PCDHA11: variants seen among roughly 807,000 people sequenced by gnomAD.
The protein encoded by PCDHA11 is protocadherin alpha 11, also known as protocadherin alpha-11.
PCDHA11 carries 61 observed loss-of-function variants against 70.3 expected under a neutral mutation model. The observed-to-expected ratio is 0.87, with a 90% CI of 0.71 to 1.07. The LOEUF is 1.07. Among genes scored for constraint, PCDHA11 ranks in the 50% least tolerant of loss-of-function variants. The pLI is 0.00. For missense variants in PCDHA11, 1,324 were observed against 1,237.5 expected, an observed-to-expected ratio of 1.07 and a Z score of -1.05; for synonymous variants, 633 against 555.1, an observed-to-expected ratio of 1.14 and a Z score of -1.97.
intron 1 of PCDHA11, among the ~76,000 whole-genome samples, chr5:140,941,211 C>CT (rs59928198): frequency 0.24 from 30,589 of 127,372 alleles, 3,669 homozygotes; most frequent in South Asian, 0.38. Context: ...TCCTTTCTTT[C>CT]TTCCTTTCTT....
chr5:140,974,302 C>G (rs782329639), intron 1 of PCDHA11, among the ~76,000 whole-genome samples: 1 of 152,176 alleles, frequency 6.6e-6, no homozygotes, highest in Non-Finnish European at 1.5e-5. Flanking sequence ...GGAGGTACAA[C>G]TGTGAGTGAG....
At chr5:140,969,363 C>G (rs367871893) in intron 1 of PCDHA11, 4 of 1,610,614 alleles carry the variant, frequency 2.5e-6, no homozygotes, top group East Asian at 4.5e-5. Flanking sequence ...CTTCTACAAA[C>G]TCATGCATTT....
At chr5:140,941,255 C>CTTTCTTTCTTTCTTTCTTTCTTTCTTTT (rs782490896) in intron 1 of PCDHA11, among the ~76,000 whole-genome samples, 1 of 44,508 alleles carries the variant, frequency 2.2e-5, no homozygotes, top group Non-Finnish European at 5.1e-5. Flanking sequence ...TTCTTTCTTT[C>CTTTCTTTCTTTCTTTCTTTCTTTCTTTT]TCTTTCTTTC....
rs183412283 is a variant in PCDHA11 at position 140,968,329 on chromosome 5, T to C, written c.2392-10620T>C. On this transcript the variant is annotated intron_variant, in intron 1 of 3. Transcript: ENST00000398640. ...TTCAAGGGCTGCCAGTCACCTCCTA[T>C]GTCTCCATTAACAGTGCCAGTGGCA... is the stretch of plus-strand genomic sequence containing the variant. 7.7e-5 allele frequency: 125 copies of C among 1,614,150 alleles called. 1 individual carries two copies. In the East Asian group the frequency reaches 2.7e-3, roughly 34 times the overall value.
intron 1 of PCDHA11, among the ~76,000 whole-genome samples, chr5:140,894,303 A>G (rs1386163832): frequency 2.0e-5 from 3 of 151,922 alleles, no homozygotes; most frequent in Admixed American, 6.6e-5. Context: ...TTTCCTGGAA[A>G]GTTTTCTTAA....
At position 141,011,460 on chromosome 5, in the gene PCDHA11, T is replaced by G. The variant is rs1285322141; in HGVS notation, c.*1523T>G. 6.5e-6 allele frequency: 1 copy of G among 153,832 alleles called. No homozygotes were observed. The highest frequency in any genetic ancestry group is 2.4e-5 in the African/African-American group (1 of 41,470). 9.5% of individuals were successfully genotyped at this position (153,832 alleles called of 1,614,324 possible). On this transcript the variant is annotated 3_prime_UTR_variant, in exon 4 of 4. Coordinates refer to ENST00000398640, the MANE Select transcript of PCDHA11 (RefSeq NM_018902.5). The stretch of plus-strand genomic sequence containing the variant: ...TAGAGTGAACTTTAAGCTTTATTGT[T>G]GAATGTAATTCCATTATATTTCCTT...
intron 1 of PCDHA11, among the ~76,000 whole-genome samples, chr5:140,925,685 G>A (rs1584406507): frequency 7.3e-6 from 1 of 137,694 alleles, no homozygotes; most frequent in South Asian, 2.3e-4. Flanking sequence ...ATAAAGCGAG[G>A]GTGGGTATCT....
At chr5:140,978,769 T>C in intron 1 of PCDHA11, 180 bp from the exon 2 acceptor site, 1 of 957,338 alleles carries the variant, frequency 1.0e-6, no homozygotes, top group Non-Finnish European at 1.2e-6. Flanking sequence ...CCTGATGAAC[T>C]AATTTTCTTC....
At chr5:140,904,725 C>A (rs1554191671) in intron 1 of PCDHA11, among the ~76,000 whole-genome samples, 1 of 152,050 alleles carries the variant, frequency 6.6e-6, no homozygotes, top group Non-Finnish European at 1.5e-5. Context: ...TGGCCAACAT[C>A]TATTATTTTT....
At chr5:140,919,823 T>C (rs1554199267) in intron 1 of PCDHA11, among the ~76,000 whole-genome samples, 1 of 152,222 alleles carries the variant, frequency 6.6e-6, no homozygotes, top group Non-Finnish European at 1.5e-5. Flanking sequence ...AAAATATATG[T>C]CCACATAGTA....
intron 1 of PCDHA11, among the ~76,000 whole-genome samples, chr5:140,937,626 A>G (rs2091639486): frequency 6.6e-6 from 1 of 150,782 alleles, no homozygotes; most frequent in Non-Finnish European, 1.5e-5. Context: ...AAAAAGAAAA[A>G]GAAAGGCAGG....
chr5:140,972,359 A>T (rs1466504264), intron 1 of PCDHA11, among the ~76,000 whole-genome samples: 3 of 151,418 alleles, frequency 2.0e-5, no homozygotes, highest in Non-Finnish European at 4.4e-5. Flanking sequence ...TATGTTGCAC[A>T]TGCTGTTAGT....
intron 1 of PCDHA11, chr5:140,877,685 C>A (rs377753884): frequency 1.2e-6 from 2 of 1,613,628 alleles, no homozygotes; most frequent in Non-Finnish European, 1.7e-6. Context: ...GGCAAGCCCA[C>A]GCTGGTGTGC....
chr5:141,010,201 C>A lies in PCDHA11; in HGVS notation c.*264C>A, dbSNP rs782495760. On this transcript the variant is annotated 3_prime_UTR_variant, in exon 4 of 4. Transcript: ENST00000398640. ...GCAGACCCAAGTTTCCTTTCTCCTC[C>A]GCCGCAAAGGAGAGGCTTCCCAGCC... 5.0e-5 allele frequency: 77 copies of A among 1,551,916 alleles called. No individual in the cohort carries two copies. The highest frequency in any genetic ancestry group is 6.1e-5 in the Non-Finnish European group (70 of 1,147,084).
chr5:140,908,919 G>A (rs781892541), intron 1 of PCDHA11, among the ~76,000 whole-genome samples: 1 of 152,158 alleles, frequency 6.6e-6, no homozygotes, highest in Non-Finnish European at 1.5e-5. Context: ...TGTAGGAGGG[G>A]CCAAATGCAG....
At chr5:140,924,064 G>T (rs1584331926) in intron 1 of PCDHA11, among the ~76,000 whole-genome samples, 1 of 152,172 alleles carries the variant, frequency 6.6e-6, no homozygotes. Context: ...CTTTACAGTT[G>T]TATTTCATCT....
intron 3 of PCDHA11, among the ~76,000 whole-genome samples, chr5:140,985,081 G>C (rs1028077723): frequency 1.3e-5 from 2 of 152,088 alleles, no homozygotes; most frequent in African/African-American, 4.8e-5. Flanking sequence ...GAGACTACAG[G>C]CGTGTGCCAC....
chr5:140,896,389 G>C (rs2065520134), intron 1 of PCDHA11, among the ~76,000 whole-genome samples: 1 of 152,124 alleles, frequency 6.6e-6, no homozygotes, highest in East Asian at 1.9e-4. Flanking sequence ...AACCTCACCA[G>C]CATCTGTTAT....
At chr5:140,960,548 A>G (rs73793541) in intron 1 of PCDHA11, among the ~76,000 whole-genome samples, 2,047 of 152,290 alleles carry the variant, frequency 0.013, 37 homozygotes, top group African/African-American at 0.047. Context: ...TGGCCTTCAT[A>G]TAGACTGAGC....
Sources: allele counts gnomAD v4.1 joint callset (sites outside exome capture counted in the v4.1 genomes callset), GRCh38; gene constraint gnomAD v4.1.1; transcripts MANE v1.5; gene names NCBI Gene and HGNC (gene_info 2026-07-23, HGNC 2026-07-21).